The following CTNNA2 variants were observed in gnomAD, a reference collection of about 807,000 sequenced individuals.
The protein encoded by CTNNA2 is catenin alpha 2, also known as catenin alpha-2.
In CTNNA2, 42 loss-of-function variants were observed where a neutral mutation model predicts 101.0. The ratio of observed to expected loss-of-function variants is 0.42; its 90% CI spans 0.32 to 0.54. The LOEUF is 0.54. Among genes scored for constraint, CTNNA2 ranks in the 20% least tolerant of loss-of-function variants. The pLI, the probability that CTNNA2 is intolerant of heterozygous loss-of-function variation, is 0.14. For synonymous variants in CTNNA2, 450 were observed against 456.4 expected (o/e 0.99, Z 0.18); for missense variants, 871 against 1,223.1 (o/e 0.71, Z 4.29).
Position 80,364,173 on chromosome 2 carries a change from G to A in CTNNA2, c.1057-29038G>A, listed in dbSNP as rs559902073. Among the ~76,000 whole-genome samples the A allele has an allele frequency of 1.7e-4, 26 of 152,182 alleles. No homozygotes were observed. In the South Asian group the frequency reaches 5.4e-3, roughly 32 times the overall value. ...CTTATCTGATTTAAGTTTTGCCTCA[G>A]GAGAAAGCTGTACCACTGAGATTGC... On this transcript the variant is annotated intron_variant, in intron 7 of 18. Transcript: ENST00000402739.
At chr2:80,048,075 T>TACAACTTAAA (rs1357102472) in intron 7 of CTNNA2, among the ~76,000 whole-genome samples, 11 of 152,134 alleles carry the variant, frequency 7.2e-5, no homozygotes, top group Non-Finnish European at 1.0e-4. Context: ...ATGAAAATAA[T>TACAACTTAAA]GGTTTAAAGA....
intron 2 of CTNNA2, among the ~76,000 whole-genome samples, chr2:79,700,760 C>T (rs1240581775): frequency 6.6e-6 from 1 of 152,146 alleles, no homozygotes; most frequent in Non-Finnish European, 1.5e-5. Flanking sequence ...ATAGGGAAGG[C>T]AGCATTCCTT....
chr2:80,225,438 C>G (rs1323050972), intron 7 of CTNNA2, among the ~76,000 whole-genome samples: 1 of 151,958 alleles, frequency 6.6e-6, no homozygotes, highest in Non-Finnish European at 1.5e-5. Context: ...TTCCTGGCTG[C>G]AAATCATGAA....
intron 4 of CTNNA2, among the ~76,000 whole-genome samples, chr2:79,393,572 C>T (rs903153362): frequency 7.0e-6 from 1 of 143,388 alleles, no homozygotes; most frequent in Non-Finnish European, 1.5e-5. Flanking sequence ...TAAGCTCCTC[C>T]AGACATATAA....
At chr2:79,888,514 C>G (rs1395875926) in intron 6 of CTNNA2, among the ~76,000 whole-genome samples, 1 of 152,096 alleles carries the variant, frequency 6.6e-6, no homozygotes, top group African/African-American at 2.4e-5. Flanking sequence ...TATTCCAAAA[C>G]AATTTACTTT....
At chr2:80,554,458 CTTATAATCAATAGAAAT>C in intron 11 of CTNNA2, among the ~76,000 whole-genome samples, 1 of 152,024 alleles carries the variant, frequency 6.6e-6, no homozygotes, top group Admixed American at 6.6e-5. Flanking sequence ...AACTGTGTTG[CTTATAATCAATAGAAAT>C]TTATGTCTCA....
intron 7 of CTNNA2, among the ~76,000 whole-genome samples, chr2:80,335,482 G>A (rs928303043): frequency 1.1e-4 from 16 of 152,174 alleles, no homozygotes; most frequent in Non-Finnish European, 1.6e-4. Context: ...TGTGGGGTCT[G>A]AAAGTACAGC....
At chr2:79,807,257 C>G (rs1676651353) in intron 3 of CTNNA2, among the ~76,000 whole-genome samples, 5 of 152,084 alleles carry the variant, frequency 3.3e-5, no homozygotes, top group Admixed American at 3.3e-4. Flanking sequence ...TTTTTATCCT[C>G]CAATGTTCTT....
chr2:79,232,859 C>T (rs922553957), intron 2 of CTNNA2, among the ~76,000 whole-genome samples: 2 of 152,058 alleles, frequency 1.3e-5, no homozygotes, highest in African/African-American at 4.8e-5. Flanking sequence ...GAGGATATTT[C>T]GTATTTGCAT....
chr2:79,673,310 G>T (rs1026018723), intron 2 of CTNNA2, among the ~76,000 whole-genome samples: 1 of 151,902 alleles, frequency 6.6e-6, no homozygotes, highest in Non-Finnish European at 1.5e-5. Context: ...TTTCTGGGGG[G>T]CGGGGGTGAA....
At chr2:80,062,796 G>T (rs1265537725) in intron 7 of CTNNA2, among the ~76,000 whole-genome samples, 1 of 146,144 alleles carries the variant, frequency 6.8e-6, no homozygotes, top group Non-Finnish European at 1.5e-5. Context: ...AGCTCCACCT[G>T]CCATGTTCAC....
At chr2:80,472,425 A>C (rs556500795) in intron 9 of CTNNA2, among the ~76,000 whole-genome samples, 4 of 152,334 alleles carry the variant, frequency 2.6e-5, no homozygotes, top group African/African-American at 9.6e-5. Flanking sequence ...CCTGCAGCAC[A>C]TTCTACCTGA....
intron 7 of CTNNA2, among the ~76,000 whole-genome samples, chr2:79,971,135 C>A (rs1208428879): frequency 6.6e-6 from 1 of 152,112 alleles, no homozygotes. Context: ...TATCCTTCTA[C>A]CTAAGGCTGT....
chr2:79,195,554 T>TGCTTTTG (rs1450087177), intron 1 of CTNNA2, among the ~76,000 whole-genome samples: 1 of 152,094 alleles, frequency 6.6e-6, no homozygotes, highest in Admixed American at 6.5e-5. Context: ...CCAAAAGAAA[T>TGCTTTTG]GTATTTGCTG....
At chr2:80,319,085 T>C (rs997382207) in intron 7 of CTNNA2, among the ~76,000 whole-genome samples, 1 of 152,170 alleles carries the variant, frequency 6.6e-6, no homozygotes, top group African/African-American at 2.4e-5. Context: ...CCTGGCCTGG[T>C]TGCAACTCTA....
intron 7 of CTNNA2, among the ~76,000 whole-genome samples, chr2:80,292,999 G>A (rs1675399359): frequency 6.6e-6 from 1 of 152,152 alleles, no homozygotes; most frequent in Non-Finnish European, 1.5e-5. Context: ...GCAAAGCAGT[G>A]CTGCTGCATT....
intron 4 of CTNNA2, among the ~76,000 whole-genome samples, chr2:79,442,220 T>C (rs1402911761): frequency 6.6e-6 from 1 of 152,204 alleles, no homozygotes; most frequent in African/African-American, 2.4e-5. Context: ...CAGCTCTCAA[T>C]AAATATATAT....
intron 2 of CTNNA2, among the ~76,000 whole-genome samples, chr2:79,267,413 C>G (rs926600906): frequency 2.6e-5 from 4 of 152,058 alleles, no homozygotes; most frequent in African/African-American, 9.7e-5. Flanking sequence ...CATGACAGCT[C>G]TCTGGAGTCT....
chr2:80,018,325 G>T (rs1390975334), intron 7 of CTNNA2, among the ~76,000 whole-genome samples: 1 of 152,114 alleles, frequency 6.6e-6, no homozygotes, highest in Non-Finnish European at 1.5e-5. Flanking sequence ...CTTTGTTTTT[G>T]TTGTTGTTAT....
Sources: allele counts gnomAD v4.1 joint callset (sites outside exome capture counted in the v4.1 genomes callset), GRCh38; gene constraint gnomAD v4.1.1; transcripts MANE v1.5; gene names NCBI Gene and HGNC (gene_info 2026-07-23, HGNC 2026-07-21).